TTC27: variants seen among roughly 807,000 people sequenced by gnomAD.
TTC27 encodes tetratricopeptide repeat domain 27, also known as tetratricopeptide repeat protein 27.
In TTC27, 79 loss-of-function variants were observed where a neutral mutation model predicts 115.9. That is an observed-to-expected ratio of 0.68 (90% confidence interval 0.57 to 0.82). The LOEUF is 0.82. Among genes scored for constraint, TTC27 ranks in the 40% least tolerant of loss-of-function variants. TTC27 has a pLI of 0.00. For synonymous variants in TTC27, 401 were observed against 356.0 expected (o/e 1.13, Z -1.42); for missense variants, 1,054 against 993.1 (o/e 1.06, Z -0.82).
intron 11 of TTC27, among the ~76,000 whole-genome samples, chr2:32,735,374 T>A (rs1668420932): frequency 6.6e-6 from 1 of 152,198 alleles, no homozygotes; most frequent in Admixed American, 6.5e-5. Context: ...GATAAACATT[T>A]CAGACTGAGC....
intron 4 of TTC27, among the ~76,000 whole-genome samples, chr2:32,648,734 G>A (rs188120112): frequency 6.6e-6 from 1 of 152,054 alleles, no homozygotes; most frequent in Non-Finnish European, 1.5e-5. Flanking sequence ...TTTCCTACTG[G>A]GTGCAGTGCC....
At chr2:32,647,966 G>A (rs1419664687) in intron 4 of TTC27, among the ~76,000 whole-genome samples, 1 of 152,102 alleles carries the variant, frequency 6.6e-6, no homozygotes, top group Non-Finnish European at 1.5e-5. Context: ...AATTTATAAT[G>A]AGCTTATCAA....
chr2:32,665,480 G>C (rs1665737083), intron 6 of TTC27, among the ~76,000 whole-genome samples: 1 of 152,186 alleles, frequency 6.6e-6, no homozygotes, highest in South Asian at 2.1e-4. Flanking sequence ...ATATTTACTA[G>C]CTAGTTCTTC....
intron 10 of TTC27, among the ~76,000 whole-genome samples, chr2:32,726,324 G>A (rs1668108195): frequency 6.6e-6 from 1 of 152,058 alleles, no homozygotes; most frequent in African/African-American, 2.4e-5. Context: ...CTTATAAAAC[G>A]GAATGCCTTT....
chr2:32,684,697 A>G (rs2151891949), intron 9 of TTC27, among the ~76,000 whole-genome samples: 1 of 152,174 alleles, frequency 6.6e-6, no homozygotes, highest in South Asian at 2.1e-4. Context: ...CTTCTAGGGA[A>G]TTACTCATTT....
chr2:32,757,353 A>G (rs1055127072), intron 12 of TTC27, among the ~76,000 whole-genome samples: 1 of 152,258 alleles, frequency 6.6e-6, no homozygotes, highest in Admixed American at 6.5e-5. Context: ...GATATCATTA[A>G]GTAAACCTCT....
At chr2:32,804,981 A>G (rs1351634052) in intron 16 of TTC27, among the ~76,000 whole-genome samples, 1 of 152,252 alleles carries the variant, frequency 6.6e-6, no homozygotes, top group African/African-American at 2.4e-5. Flanking sequence ...GATAAAAGTT[A>G]CTAGCATACA....
intron 9 of TTC27, among the ~76,000 whole-genome samples, chr2:32,695,508 C>T (rs897588150): frequency 2.0e-5 from 3 of 152,008 alleles, no homozygotes; most frequent in South Asian, 2.1e-4. Context: ...ATCACGAGGT[C>T]AGGAGTTCAA....
intron 13 of TTC27, among the ~76,000 whole-genome samples, chr2:32,765,788 A>G (rs1669606775): frequency 6.6e-6 from 1 of 152,100 alleles, no homozygotes; most frequent in South Asian, 2.1e-4. Context: ...CTTTTATGTT[A>G]TGGGGATGGC....
At chr2:32,763,003 G>A (rs1393192868) in intron 13 of TTC27, among the ~76,000 whole-genome samples, 1 of 152,226 alleles carries the variant, frequency 6.6e-6, no homozygotes, top group Non-Finnish European at 1.5e-5. Flanking sequence ...AGGAAGGGAT[G>A]AAGTGAGGGA....
chr2:32,659,822 A>G (rs566890012), intron 5 of TTC27, among the ~76,000 whole-genome samples: 12 of 152,170 alleles, frequency 7.9e-5, no homozygotes, highest in African/African-American at 2.4e-4. Flanking sequence ...AGCTTCATCC[A>G]TGTCCCTGCA....
intron 10 of TTC27, among the ~76,000 whole-genome samples, chr2:32,717,734 C>G (rs1484490956): frequency 6.6e-6 from 1 of 152,136 alleles, no homozygotes; most frequent in Non-Finnish European, 1.5e-5. Flanking sequence ...CGTCTGTCAT[C>G]CAAGTTTGCT....
intron 9 of TTC27, among the ~76,000 whole-genome samples, chr2:32,691,527 G>C (rs1344388211): frequency 1.3e-5 from 2 of 151,990 alleles, no homozygotes; most frequent in Non-Finnish European, 2.9e-5. Flanking sequence ...TTGAACTCCT[G>C]ACCTCAGGTG....
intron 10 of TTC27, among the ~76,000 whole-genome samples, chr2:32,712,547 C>A (rs1667614393): frequency 1.3e-5 from 2 of 150,946 alleles, no homozygotes; most frequent in South Asian, 2.1e-4. Context: ...GATCTAAATT[C>A]TTTTTTTTTC....
intron 5 of TTC27, among the ~76,000 whole-genome samples, chr2:32,653,147 T>C (rs1374888417): frequency 2.6e-5 from 4 of 152,206 alleles, no homozygotes; most frequent in Admixed American, 2.6e-4. Context: ...TTATGTATAG[T>C]GCATGAGATG....
At chr2:32,793,347 A>G (rs1670598079) in intron 16 of TTC27, among the ~76,000 whole-genome samples, 1 of 152,224 alleles carries the variant, frequency 6.6e-6, no homozygotes, top group African/African-American at 2.4e-5. Flanking sequence ...CCAGATAAAC[A>G]AAAGTTAAGG....
chr2:32,779,924 G>C (rs535928360), intron 14 of TTC27: 60 of 262,358 alleles, frequency 2.3e-4, no homozygotes, highest in Non-Finnish European at 4.4e-4. Context: ...TAATAGTCTT[G>C]TCACTCTGGT....
intron 5 of TTC27, among the ~76,000 whole-genome samples, chr2:32,659,293 A>G (rs922818445): frequency 2.7e-5 from 4 of 150,364 alleles, no homozygotes; most frequent in African/African-American, 9.8e-5. Context: ...GAGAAATTCT[A>G]CATTCTCTCT....
chr2:32,690,090 G>A (rs1666761456), intron 9 of TTC27, among the ~76,000 whole-genome samples: 1 of 152,118 alleles, frequency 6.6e-6, no homozygotes. Flanking sequence ...TCAAGACAGT[G>A]TACAACAGGT....
Sources: gnomAD v4.1 joint callset for allele counts (sites outside exome capture counted in the v4.1 genomes callset) on GRCh38, gnomAD v4.1.1 for gene constraint, MANE v1.5 for transcripts, NCBI Gene and HGNC (gene_info 2026-07-23, HGNC 2026-07-21) for gene names.